The following HS3ST4 variants were observed in gnomAD, a reference collection of about 807,000 sequenced individuals.
The protein encoded by HS3ST4 is heparan sulfate glucosamine 3-O-sulfotransferase 4.
Under a neutral mutation model 29.2 loss-of-function variants are expected in HS3ST4, and 17 were observed. The observed-to-expected ratio is 0.58, with a 90% CI of 0.40 to 0.87. HS3ST4 has a LOEUF of 0.87. HS3ST4 is among the 40% of genes least tolerant of loss of function. The pLI is 0.00. For synonymous variants in HS3ST4, 314 were observed against 285.7 expected (o/e 1.10, Z -1.00); for missense variants, 627 against 634.5 (o/e 0.99, Z 0.13).
At chr16:25,850,311 G>A (rs1454654412) in intron 1 of HS3ST4, among the ~76,000 whole-genome samples, 1 of 152,050 alleles carries the variant, frequency 6.6e-6, no homozygotes, top group Non-Finnish European at 1.5e-5. Flanking sequence ...ACACTCACTT[G>A]TAGCATCAAA....
intron 1 of HS3ST4, among the ~76,000 whole-genome samples, chr16:25,977,616 A>G (rs1372571056): frequency 6.6e-6 from 1 of 152,198 alleles, no homozygotes; most frequent in Non-Finnish European, 1.5e-5. Flanking sequence ...TTGCCCTTGA[A>G]TGATTTTGAA....
At chr16:25,895,448 A>G (rs372242939) in intron 1 of HS3ST4, among the ~76,000 whole-genome samples, 3 of 152,112 alleles carry the variant, frequency 2.0e-5, no homozygotes, top group East Asian at 3.9e-4. Context: ...TGGAGGGTGA[A>G]TGGATGCTGG....
chr16:25,841,232 C>G (rs1037592582), intron 1 of HS3ST4, among the ~76,000 whole-genome samples: 2 of 152,048 alleles, frequency 1.3e-5, no homozygotes, highest in African/African-American at 2.4e-5. Context: ...GTCTCGATCT[C>G]CTGACCTCGT....
chr16:26,108,460 C>G (rs1899085568), intron 1 of HS3ST4, among the ~76,000 whole-genome samples: 1 of 152,128 alleles, frequency 6.6e-6, no homozygotes, highest in Non-Finnish European at 1.5e-5. Context: ...TAACCATAAC[C>G]AACTCTCTTT....
rs575336574 is a variant in HS3ST4, at chr16:25,936,928, G to A, written c.735-198684G>A. Among the ~76,000 whole-genome samples, 16 of 152,314 alleles carry A rather than the reference G, an allele frequency of 1.1e-4. No individual in the cohort carries two copies. The East Asian group carries it at 2.9e-3, about 28-fold the overall frequency. ...GGAAAGTACAGTTGCAGGTGTAGTG[G>A]TAGTAGATATTTGTGCTTTGTACCA... On this transcript the variant is annotated intron_variant, in intron 1 of 1. Coordinates refer to ENST00000331351, the MANE Select transcript of HS3ST4 (RefSeq NM_006040.3).
chr16:26,026,713 G>A (rs891455860), intron 1 of HS3ST4, among the ~76,000 whole-genome samples: 2 of 152,064 alleles, frequency 1.3e-5, no homozygotes, highest in South Asian at 2.1e-4. Context: ...TTGATTACAC[G>A]TCCAGCCCCG....
chr16:25,920,604 C>A (rs996686263), intron 1 of HS3ST4, among the ~76,000 whole-genome samples: 6 of 149,992 alleles, frequency 4.0e-5, no homozygotes, highest in East Asian at 3.9e-4. Flanking sequence ...CCGCCCCCAC[C>A]CCTCTTTTTT....
chr16:25,727,693 A>G (rs1472713263), intron 1 of HS3ST4, among the ~76,000 whole-genome samples: 1 of 152,182 alleles, frequency 6.6e-6, no homozygotes, highest in Non-Finnish European at 1.5e-5. Flanking sequence ...GGGAGAACCC[A>G]CATCATTCAG....
At position 25,926,297 on chromosome 16, in the gene HS3ST4, C is replaced by G. The variant is rs75019776; in HGVS notation, c.735-209315C>G. On this transcript the variant is annotated intron_variant, in intron 1 of 1. Transcript: ENST00000331351. ...TTCACCTCTCCGAACACTGGGACTC[C>G]CCCTGGCAGTAATTCTGCCCTGTGA... Among the ~76,000 whole-genome samples the G allele has an allele frequency of 2.6e-5, 4 of 152,308 alleles. No individual in the cohort carries two copies. In the East Asian group the frequency reaches 7.7e-4, roughly 29 times the overall value.
chr16:26,049,814 G>A (rs1898318316), intron 1 of HS3ST4, among the ~76,000 whole-genome samples: 1 of 152,112 alleles, frequency 6.6e-6, no homozygotes, highest in Admixed American at 6.5e-5. Context: ...ATTTGCAGAA[G>A]CAGCTCATAG....
At chr16:26,114,075 T>G (rs771309076) in intron 1 of HS3ST4, among the ~76,000 whole-genome samples, 5 of 152,132 alleles carry the variant, frequency 3.3e-5, no homozygotes, top group African/African-American at 7.2e-5. Context: ...ATTTGGAACA[T>G]CACATGCAAA....
intron 1 of HS3ST4, among the ~76,000 whole-genome samples, chr16:25,934,668 G>C (rs1435643340): frequency 6.6e-6 from 1 of 152,152 alleles, no homozygotes; most frequent in Non-Finnish European, 1.5e-5. Context: ...TTGTGAATGA[G>C]GCTGCATGTG....
chr16:25,996,511 A>G (rs1304550782), intron 1 of HS3ST4, among the ~76,000 whole-genome samples: 3 of 152,178 alleles, frequency 2.0e-5, no homozygotes, highest in Non-Finnish European at 4.4e-5. Flanking sequence ...ATGATAGGCA[A>G]TTGTGCCAGC....
chr16:25,921,614 T>C (rs956233502), intron 1 of HS3ST4, among the ~76,000 whole-genome samples: 1 of 152,202 alleles, frequency 6.6e-6, no homozygotes, highest in Non-Finnish European at 1.5e-5. Flanking sequence ...TGGTGCAATA[T>C]GGTTTTCTTG....
At chr16:25,917,514 C>G (rs916447913) in intron 1 of HS3ST4, among the ~76,000 whole-genome samples, 2 of 152,172 alleles carry the variant, frequency 1.3e-5, no homozygotes, top group African/African-American at 4.8e-5. Context: ...CCCAGCCTAT[C>G]GCTCTTTCTA....
chr16:26,103,866 A>G (rs986949047), intron 1 of HS3ST4, among the ~76,000 whole-genome samples: 1 of 152,238 alleles, frequency 6.6e-6, no homozygotes, highest in African/African-American at 2.4e-5. Flanking sequence ...TCAGAAGTAG[A>G]TAAAATATAA....
chr16:25,961,030 A>G (rs191947088), intron 1 of HS3ST4, among the ~76,000 whole-genome samples: 79 of 152,294 alleles, frequency 5.2e-4, no homozygotes, highest in Admixed American at 7.8e-4. Context: ...TCCAAAGTAT[A>G]CTTATTTCGT....
intron 1 of HS3ST4, among the ~76,000 whole-genome samples, chr16:25,700,157 T>G (rs1966325267): frequency 6.6e-6 from 1 of 152,206 alleles, no homozygotes; most frequent in African/African-American, 2.4e-5. Flanking sequence ...AGAACCGGAT[T>G]CCAGAATTTG....
At chr16:25,927,789 A>T (rs1258706557) in intron 1 of HS3ST4, among the ~76,000 whole-genome samples, 1 of 151,926 alleles carries the variant, frequency 6.6e-6, no homozygotes, top group Non-Finnish European at 1.5e-5. Flanking sequence ...CCATTCATCC[A>T]TCAATTCAGA....
Sources: gnomAD v4.1 joint callset for allele counts (sites outside exome capture counted in the v4.1 genomes callset) on GRCh38, gnomAD v4.1.1 for gene constraint, MANE v1.5 for transcripts, NCBI Gene and HGNC (gene_info 2026-07-23, HGNC 2026-07-21) for gene names.